Variants in UGT1A4 observed in about 807,000 individuals in gnomAD.
UGT1A4 encodes the protein UDP glucuronosyltransferase family 1 member A4.
In UGT1A4, 32 loss-of-function variants were observed where a neutral mutation model predicts 41.1. The observed-to-expected ratio is 0.78, with a 90% CI of 0.59 to 1.05. UGT1A4 has a LOEUF of 1.05. UGT1A4 is among the 50% of genes least tolerant of loss of function. The probability of loss-of-function intolerance (pLI) is 0.00; values close to 1 mark genes in which losing one functional copy is unlikely to be tolerated. For missense variants in UGT1A4, 748 were observed against 677.4 expected (o/e 1.10, Z -1.16); for synonymous variants, 283 against 265.1 (o/e 1.07, Z -0.66).
At chr2:233,747,803 A>G in intron 1 of UGT1A4, 1 of 1,613,426 alleles carries the variant, frequency 6.2e-7, no homozygotes, top group African/African-American at 1.3e-5. Context: ...TTCCTAAGTT[A>G]CTAACGACCA....
chr2:233,719,658 A>C lies in UGT1A4; in HGVS notation c.838A>C (p.Asn280His). ...MPNMVFIGGI[N>H]CANGKPLSQE... is the part of the protein sequence containing the mutation. ...CAACATGGTCTTCATTGGGGGCATCAACTGTGCCAACGGGAAGCCACTATC... is the reference window on the plus strand; with the variant it reads ...CAACATGGTCTTCATTGGGGGCATCCACTGTGCCAACGGGAAGCCACTATC... Residue 280 changes from asparagine to histidine, a missense_variant, in exon 1 of 5, where the codon AAC becomes CAC. By Grantham distance (68) the Asn-to-His change is moderately conservative. Coordinates refer to ENST00000373409, the MANE Select transcript of UGT1A4 (RefSeq NM_007120.3). 1.2e-6 allele frequency: 2 copies of C among 1,614,068 alleles called. No homozygotes were observed. Among genetic ancestry groups the C allele is most frequent in the Non-Finnish European group, 1.7e-6 (2 of 1,179,950 alleles).
chr2:233,729,473 T>G, intron 1 of UGT1A4: 1 of 1,614,206 alleles, frequency 6.2e-7, no homozygotes, highest in Non-Finnish European at 8.5e-7. Flanking sequence ...AGTATGGCAA[T>G]GTTGAACAAT....
intron 1 of UGT1A4, among the ~76,000 whole-genome samples, chr2:233,765,526 T>G (rs1002018733): frequency 1.3e-5 from 2 of 151,960 alleles, no homozygotes; most frequent in East Asian, 3.9e-4. Flanking sequence ...AAACACCGCA[T>G]GTTCTCACTC....
intron 1 of UGT1A4, among the ~76,000 whole-genome samples, chr2:233,746,783 T>C (rs1194823127): frequency 6.6e-6 from 1 of 151,828 alleles, no homozygotes; most frequent in East Asian, 1.9e-4. Flanking sequence ...TGGTTTTCTG[T>C]TGTAATTCAT....
chr2:233,754,935 A>G, intron 1 of UGT1A4: 2 of 1,340,028 alleles, frequency 1.5e-6, no homozygotes, highest in Non-Finnish European at 2.0e-6. Context: ...CAAGAGGTCA[A>G]AGGAGAATGG....
chr2:233,724,246 C>T (rs1219453844), intron 1 of UGT1A4, among the ~76,000 whole-genome samples: 28 of 121,870 alleles, frequency 2.3e-4, no homozygotes, highest in African/African-American at 8.0e-4. Context: ...CGGGCAGAGG[C>T]GCCCCTCACC....
chr2:233,743,885 G>C (rs1351631369), intron 1 of UGT1A4: 1 of 1,366,928 alleles, frequency 7.3e-7, no homozygotes, highest in Non-Finnish European at 9.8e-7. Context: ...GGCCTGCCGG[G>C]GCACGTCCAG....
intron 1 of UGT1A4, among the ~76,000 whole-genome samples, chr2:233,751,154 C>A (rs1181996969): frequency 6.6e-6 from 1 of 151,950 alleles, no homozygotes; most frequent in Non-Finnish European, 1.5e-5. Flanking sequence ...CCACTTCTGG[C>A]ATCAGCATGA....
chr2:233,769,657 C>A lies in UGT1A4; in HGVS notation c.1307+1218C>A, dbSNP rs551497641. On this transcript the variant is annotated intron_variant, in intron 4 of 4. Coordinates refer to ENST00000373409, the MANE Select transcript of UGT1A4 (RefSeq NM_007120.3). This position sits in a 1 kb window ranked among gnomAD's most constrained non-coding sequence, Gnocchi z 4.4. ...GGGAGGACTGATGACTGACTTCCCACCTTTGAGGTGCTAATGTGTGTGTGG... is the reference window on the plus strand; with the variant it reads ...GGGAGGACTGATGACTGACTTCCCAACTTTGAGGTGCTAATGTGTGTGTGG... 2.5e-6 allele frequency: 4 copies of A among 1,602,364 alleles called. No individual in the cohort carries two copies. Among genetic ancestry groups the A allele is most frequent in the East Asian group, 4.5e-5 (2 of 44,626 alleles).
Position 233,772,382 on chromosome 2 carries a change from C to T in UGT1A4, c.1428C>T (p.Arg476=). 5 of 1,614,256 alleles carry T rather than the reference C, an allele frequency of 3.1e-6. No homozygotes were observed. The highest frequency in any genetic ancestry group is 2.5e-6 in the Non-Finnish European group (3 of 1,180,048). ...GGCACAAGGGCGCGCCACACCTGCGCCCCGCAGCCCACGACCTCACCTGGT... is the reference window on the plus strand; with the variant it reads ...GGCACAAGGGCGCGCCACACCTGCGTCCCGCAGCCCACGACCTCACCTGGT... ...VMRHKGAPHL[R]PAAHDLTWYQ... The change falls in exon 5 of 5, where the codon CGC becomes CGT. Residue 476 remains arginine, a synonymous_variant. Coordinates refer to ENST00000373409, the MANE Select transcript of UGT1A4 (RefSeq NM_007120.3).
At chr2:233,768,541 A>C (rs1699639375) in intron 4 of UGT1A4, 102 bp downstream of exon 4, 3 of 1,492,216 alleles carry the variant, frequency 2.0e-6, no homozygotes, top group Non-Finnish European at 2.7e-6. Flanking sequence ...GTTGTTTCAA[A>C]TATAAAAACA....
chr2:233,753,976 G>A (rs531716097), intron 1 of UGT1A4, among the ~76,000 whole-genome samples: 12 of 152,206 alleles, frequency 7.9e-5, no homozygotes, highest in Non-Finnish European at 1.6e-4. Flanking sequence ...AACGTGTGTT[G>A]TTTTAAGCCA....
At chr2:233,724,529 G>A (rs1336753054) in intron 1 of UGT1A4, among the ~76,000 whole-genome samples, 2 of 116,416 alleles carry the variant, frequency 1.7e-5, no homozygotes, top group African/African-American at 3.6e-5. Context: ...ATGGGGTCTC[G>A]CCGGGCAGAG....
chr2:233,744,974 C>T (rs1446449011), intron 1 of UGT1A4, among the ~76,000 whole-genome samples: 1 of 151,828 alleles, frequency 6.6e-6, no homozygotes. Flanking sequence ...CTTCTTTAAG[C>T]CTCTAGTCAT....
chr2:233,757,537 T>TATATATACATATACATATAC (rs1472416448), intron 1 of UGT1A4, among the ~76,000 whole-genome samples: 1 of 107,778 alleles, frequency 9.3e-6, no homozygotes, highest in African/African-American at 4.7e-5. Flanking sequence ...CTGTAAGGAA[T>TATATATACATATACATATAC]ATATATATAT....
At chr2:233,753,907 C>G (rs1487385981) in intron 1 of UGT1A4, among the ~76,000 whole-genome samples, 1 of 152,188 alleles carries the variant, frequency 6.6e-6, no homozygotes, top group South Asian at 2.1e-4. Context: ...GCTTCTTACA[C>G]CGATTTCAGC....
At chr2:233,723,956 C>G (rs1367171435) in intron 1 of UGT1A4, among the ~76,000 whole-genome samples, 1 of 55,390 alleles carries the variant, frequency 1.8e-5, no homozygotes, top group Non-Finnish European at 3.1e-5. Flanking sequence ...GGCAACCATC[C>G]GATTTCTCAA....
chr2:233,721,961 A>G (rs2076983118), intron 1 of UGT1A4: 1 of 312,750 alleles, frequency 3.2e-6, no homozygotes, highest in Admixed American at 3.8e-5. Flanking sequence ...TTGTATATGC[A>G]TACATTGATG....
At position 233,734,763 on chromosome 2, in the gene UGT1A4, C is replaced by T. The variant is rs776391017; in HGVS notation, c.867+15076C>T. Among the ~76,000 whole-genome samples, 117 of 152,240 alleles carry T rather than the reference C, an allele frequency of 7.7e-4. 1 individual carries two copies. The highest frequency in any genetic ancestry group is 1.4e-3 in the Non-Finnish European group (94 of 68,010). On this transcript the variant is annotated intron_variant, in intron 1 of 4. Transcript: ENST00000373409. ...AACATCTTTATTTCTGCCTTCACTT[C>T]GTTATTTACCCAGTAGTCATTCAGG...
Sources: gnomAD v4.1 joint callset for allele counts (sites outside exome capture counted in the v4.1 genomes callset) on GRCh38, gnomAD v4.1.1 for gene constraint, Gnocchi (gnomAD v3.1) non-coding constraint, MANE v1.5 for transcripts, NCBI Gene and HGNC (gene_info 2026-07-23, HGNC 2026-07-21) for gene names.